CFI: variants seen among roughly 807,000 people sequenced by gnomAD.
The protein encoded by CFI is complement factor I.
Under a neutral mutation model 78.8 loss-of-function variants are expected in CFI, and 66 were observed. The ratio of observed to expected loss-of-function variants is 0.84; its 90% CI spans 0.69 to 1.03. CFI has a LOEUF of 1.03. Ranked by LOEUF, CFI falls within the 50% of genes least tolerant of loss-of-function variation. The pLI is 0.00. For synonymous variants in CFI, 250 were observed against 232.6 expected (o/e 1.07, Z -0.68); for missense variants, 706 against 704.5 (o/e 1.00, Z -0.02).
chr4:109,770,504 G>A (rs898768835), intron 1 of CFI, among the ~76,000 whole-genome samples: 22 of 147,280 alleles, frequency 1.5e-4, no homozygotes, highest in African/African-American at 4.5e-4. Context: ...TGCAGTGAGC[G>A]GAGACCGCAC....
chr4:109,731,235 AC>A, the CFI span, among the ~76,000 whole-genome samples: 1 of 151,970 alleles, frequency 6.6e-6, no homozygotes, highest in African/African-American at 2.4e-5. Context: ...AATCCCAGCT[AC>A]TCGGGAGGCG....
chr4:109,738,312 A>G (rs996476978), downstream of CFI, among the ~76,000 whole-genome samples: 2 of 151,714 alleles, frequency 1.3e-5, no homozygotes, highest in South Asian at 2.1e-4. Flanking sequence ...GGGTCTTGCT[A>G]TGTTGCCCAG....
chr4:109,778,387 T>C lies in CFI; in HGVS notation c.58-11563A>G, dbSNP rs1729556706. On this transcript the variant is annotated intron_variant, in intron 1 of 12. Transcript: ENST00000394634. ...AATAAACTAGAAAATCTAGAAGAAA[T>C]GGATAAATTCCTGGACACATACACC... is the stretch of plus-strand genomic sequence containing the variant. 2.0e-5 allele frequency among the ~76,000 whole-genome samples: 3 copies of C among 152,012 alleles called. 1 individual carries two copies. Among genetic ancestry groups the C allele is most frequent in the Non-Finnish European group, 4.4e-5 (3 of 67,992 alleles).
At chr4:109,742,812 T>A (rs921099773) in intron 11 of CFI, among the ~76,000 whole-genome samples, 15 of 152,280 alleles carry the variant, frequency 9.9e-5, no homozygotes, top group African/African-American at 3.6e-4. Context: ...TGGTCTGAAG[T>A]CACATTCATT....
chr4:109,757,933 T>G, intron 6 of CFI, 150 bp from the exon 7 acceptor site: 1 of 1,454,796 alleles, frequency 6.9e-7, no homozygotes, highest in Non-Finnish European at 9.2e-7. Context: ...AAAAATGATT[T>G]ACCTTGAATT....
intron 12 of CFI, 61 bp from the exon 13 acceptor site, chr4:109,741,171 G>C: frequency 6.2e-7 from 1 of 1,611,552 alleles, no homozygotes; most frequent in Non-Finnish European, 8.5e-7. Context: ...AGGCTGCCAT[G>C]CCTCCTCCAT....
At chr4:109,794,805 A>G (rs549133882) in intron 1 of CFI, among the ~76,000 whole-genome samples, 2 of 152,112 alleles carry the variant, frequency 1.3e-5, no homozygotes, top group Non-Finnish European at 2.9e-5. Context: ...AAACAATTCT[A>G]TTTATTTATT....
Position 109,764,536 on chromosome 4 carries a change from C to T in CFI, c.482+1G>A. The T allele has an allele frequency of 6.2e-7, 1 of 1,614,056 alleles. No homozygotes were observed. Among genetic ancestry groups the T allele is most frequent in the Non-Finnish European group, 8.5e-7 (1 of 1,179,994 alleles). On this transcript the variant is annotated splice_donor_variant, in intron 3 of 12. Transcript: ENST00000394634. LOFTEE classifies it high-confidence loss of function. ...GAAAATCCACTGATACAAGCGCTCA[C>T]TGTTGAAACCCAAGGTCAAGGCAGG...
At chr4:109,782,431 C>CCA (rs1165382697) in intron 1 of CFI, among the ~76,000 whole-genome samples, 5 of 138,108 alleles carry the variant, frequency 3.6e-5, no homozygotes, top group South Asian at 4.7e-4. Flanking sequence ...ACAATAGCTG[C>CCA]AAAAAAAAAA....
chr4:109,785,165 T>A (rs1223006568), intron 1 of CFI, among the ~76,000 whole-genome samples: 1 of 152,110 alleles, frequency 6.6e-6, no homozygotes, highest in Non-Finnish European at 1.5e-5. Context: ...TTGCTGACTC[T>A]CTTTTCGGAC....
At chr4:109,742,434 G>T (rs757954563) in intron 12 of CFI, 57 bp downstream of exon 12, 1 of 1,165,678 alleles carries the variant, frequency 8.6e-7, no homozygotes, top group Non-Finnish European at 1.3e-6. Flanking sequence ...GGGAGGAGAT[G>T]TTTGATAGGG....
rs557486224 is a variant in CFI, at chr4:109,754,039, G to A, written c.905-1536C>T. On this transcript the variant is annotated intron_variant, in intron 7 of 12. Transcript: ENST00000394634. ...CACTCTGTTGCCCAGACTGGAGTGC[G>A]GTGGCACGATCTCGGCTCACTGCAA... Among the ~76,000 whole-genome samples, 7 of 150,414 alleles carry A rather than the reference G, an allele frequency of 4.7e-5. No homozygotes were observed. The East Asian group carries it at 5.9e-4, about 13-fold the overall frequency.
chr4:109,752,526 A>G (rs1164530175), intron 7 of CFI, 23 bp from the exon 8 acceptor site: 3 of 1,599,688 alleles, frequency 1.9e-6, no homozygotes, highest in Non-Finnish European at 2.6e-6. Context: ...AAAAGATTCC[A>G]ATGTTTAAAG....
intron 1 of CFI, among the ~76,000 whole-genome samples, chr4:109,797,859 C>T (rs1732257597): frequency 6.6e-6 from 1 of 152,132 alleles, no homozygotes; most frequent in Non-Finnish European, 1.5e-5. Flanking sequence ...CAAAATCACA[C>T]ACCAGTTAGG....
chr4:109,756,506 G>T (rs1726169311), intron 7 of CFI, among the ~76,000 whole-genome samples: 1 of 151,994 alleles, frequency 6.6e-6, no homozygotes, highest in Non-Finnish European at 1.5e-5. Context: ...ACAAGTGAGA[G>T]AATGCAATGA....
chr4:109,768,430 C>T (rs1269983643), intron 1 of CFI, among the ~76,000 whole-genome samples: 1 of 151,650 alleles, frequency 6.6e-6, no homozygotes, highest in Non-Finnish European at 1.5e-5. Flanking sequence ...GGCAAGTGAC[C>T]CTCCTGAAAC....
intron 1 of CFI, among the ~76,000 whole-genome samples, chr4:109,792,060 T>G (rs1731449874): frequency 6.6e-6 from 1 of 152,192 alleles, no homozygotes; most frequent in Non-Finnish European, 1.5e-5. Flanking sequence ...TTGTAAAATT[T>G]ATTAAGACTC....
chr4:109,752,380 G>T, intron 8 of CFI, 88 bp downstream of exon 8: 1 of 1,138,044 alleles, frequency 8.8e-7, no homozygotes, highest in Non-Finnish European at 1.3e-6. Flanking sequence ...ACTACTTGTT[G>T]CTTGAATCAA....
rs961130934 is a variant in CFI, at chr4:109,765,562, G to A, written c.329-872C>T. Among the ~76,000 whole-genome samples the A allele has an allele frequency of 5.3e-5, 8 of 152,172 alleles. No individual in the cohort carries two copies. In the South Asian group the frequency reaches 6.2e-4, roughly 12 times the overall value. On this transcript the variant is annotated intron_variant, in intron 2 of 12. Coordinates refer to ENST00000394634, the MANE Select transcript of CFI (RefSeq NM_000204.5). Reference sequence around the variant, plus strand: ...CCAGCTTGTCAACAACCAAGGTGGGGTTTGGAGGGACTTGAAACTCAATTG... The same window carrying A: ...CCAGCTTGTCAACAACCAAGGTGGGATTTGGAGGGACTTGAAACTCAATTG...
Sources: allele counts gnomAD v4.1 joint callset (sites outside exome capture counted in the v4.1 genomes callset), GRCh38; gene constraint gnomAD v4.1.1; transcripts MANE v1.5; gene names NCBI Gene and HGNC (gene_info 2026-07-23, HGNC 2026-07-21).